Variants in SPATA13 observed in about 807,000 individuals in gnomAD.
The protein encoded by SPATA13 is spermatogenesis associated 13, also known as spermatogenesis-associated protein 13.
In SPATA13, 50 loss-of-function variants were observed where a neutral mutation model predicts 104.0. The ratio of observed to expected loss-of-function variants is 0.48; its 90% CI spans 0.38 to 0.61. The LOEUF is 0.61. SPATA13 is among the 20% of genes least tolerant of loss of function. The pLI is 0.00. For synonymous variants in SPATA13, 606 were observed against 667.5 expected (o/e 0.91, Z 1.42); for missense variants, 1,524 against 1,690.6 (o/e 0.90, Z 1.73).
intron 3 of SPATA13, among the ~76,000 whole-genome samples, chr13:24,022,006 C>T (rs112306621): frequency 0.042 from 6,030 of 142,132 alleles, 380 homozygotes; most frequent in African/African-American, 0.14. Context: ...CCACTGCGCC[C>T]GGCCAGTTGT....
chr13:24,001,106 T>G (rs1875946796), intron 2 of SPATA13, among the ~76,000 whole-genome samples: 1 of 152,194 alleles, frequency 6.6e-6, no homozygotes, highest in Non-Finnish European at 1.5e-5. Context: ...TCTTCCAGGC[T>G]GGCCGAGTGG....
intron 3 of SPATA13, among the ~76,000 whole-genome samples, chr13:24,101,079 C>T (rs1036841459): frequency 2.6e-5 from 4 of 152,082 alleles, no homozygotes; most frequent in African/African-American, 9.7e-5. Context: ...AGGGGAAATT[C>T]GCATACACTT....
At chr13:24,036,733 AT>A (rs1877697896) in intron 3 of SPATA13, among the ~76,000 whole-genome samples, 2 of 152,022 alleles carry the variant, frequency 1.3e-5, no homozygotes, top group Admixed American at 1.3e-4. Flanking sequence ...CTAAACAACA[AT>A]TATCTCTTAC....
At chr13:24,002,071 C>T (rs1205657770) in intron 2 of SPATA13, among the ~76,000 whole-genome samples, 2 of 151,880 alleles carry the variant, frequency 1.3e-5, no homozygotes, top group Admixed American at 6.6e-5. Flanking sequence ...GAGGGAGTGA[C>T]GAGAGGTCAC....
intron 3 of SPATA13, among the ~76,000 whole-genome samples, chr13:24,038,193 A>G (rs4770558): frequency 0.99 from 150,349 of 152,272 alleles, 74,251 homozygotes; most frequent in Middle Eastern, 1. Flanking sequence ...GATTACAGGC[A>G]TGAGCCACCG....
At position 24,297,701 on chromosome 13, in the gene SPATA13, T is replaced by A. The variant is rs1876892884; in HGVS notation, c.3549T>A (p.Asp1183Glu). The A allele has an allele frequency of 6.2e-7, 1 of 1,613,350 alleles. No homozygotes were observed. Among genetic ancestry groups the A allele is most frequent in the South Asian group, 1.1e-5 (1 of 91,082 alleles). Residue 1183 changes from aspartate to glutamate, a missense_variant, in exon 11 of 13, where the codon GAT (aspartate) becomes GAA (glutamate). By Grantham distance (45) the Asp-to-Glu change is conservative. Coordinates refer to ENST00000382108, the MANE Select transcript of SPATA13 (RefSeq NM_001166271.3). ...CGAGGTGGCTGCAGGCCTGTGCAGA[T>A]GAAAGGAGGCGGGTGCAAGAGGACA... The part of the protein sequence containing the change: ...DKARWLQACA[D>E]ERRRVQEDKE...
chr13:24,295,454 T>TA (rs1040749210), intron 10 of SPATA13, among the ~76,000 whole-genome samples: 3 of 151,268 alleles, frequency 2.0e-5, no homozygotes, highest in East Asian at 1.9e-4. Context: ...CTACAAAAAG[T>TA]AAAAAAAATC....
intron 1 of SPATA13, among the ~76,000 whole-genome samples, chr13:24,180,678 A>T (rs1438369475): frequency 6.6e-6 from 1 of 152,128 alleles, no homozygotes; most frequent in African/African-American, 2.4e-5. Context: ...CTTACAGAGT[A>T]TATGTTTTAT....
At chr13:23,991,947 G>A (rs932840145) in intron 2 of SPATA13, among the ~76,000 whole-genome samples, 3 of 152,222 alleles carry the variant, frequency 2.0e-5, no homozygotes, top group Admixed American at 6.5e-5. Context: ...AAGAGGACAC[G>A]GTGATGAAGA....
chr13:24,037,170 A>C (rs1278330766), intron 3 of SPATA13, among the ~76,000 whole-genome samples: 1 of 131,456 alleles, frequency 7.6e-6, no homozygotes, highest in Non-Finnish European at 1.5e-5. Context: ...ACTTGGACAC[A>C]GGAAGGGGAA....
rs1435914060 is a variant in SPATA13 at position 24,161,833 on chromosome 13, A to G, written c.-112+901A>G. Reference sequence around the variant, plus strand: ...GGCTTCCCATAGCCTTATATTATGCACCTCCCCCTGCCAGCATTTTCTCTG... The same window carrying G: ...GGCTTCCCATAGCCTTATATTATGCGCCTCCCCCTGCCAGCATTTTCTCTG... On this transcript the variant is annotated intron_variant, in intron 1 of 12. Coordinates refer to ENST00000382108, the MANE Select transcript of SPATA13 (RefSeq NM_001166271.3). The surrounding 1 kb of genome is among the most constrained non-coding windows in gnomAD (Gnocchi z 4.5). Among the ~76,000 whole-genome samples the G allele has an allele frequency of 6.6e-6, 1 of 151,492 alleles. No individual in the cohort carries two copies. The highest frequency in any genetic ancestry group is 2.4e-5 in the African/African-American group (1 of 41,146).
chr13:24,115,755 A>C (rs1210894577), intron 3 of SPATA13, among the ~76,000 whole-genome samples: 1 of 152,200 alleles, frequency 6.6e-6, no homozygotes, highest in African/African-American at 2.4e-5. Context: ...GGTTGTGATC[A>C]AGGTATCAGC....
chr13:24,012,698 G>A (rs1039913006), intron 2 of SPATA13, among the ~76,000 whole-genome samples: 2 of 152,256 alleles, frequency 1.3e-5, no homozygotes, highest in East Asian at 1.9e-4. Flanking sequence ...CAGGCTGCAA[G>A]CCTGTGATTA....
At chr13:24,251,889 A>G (rs1270133238) in intron 4 of SPATA13, 27 bp downstream of exon 4, 1 of 1,606,282 alleles carries the variant, frequency 6.2e-7, no homozygotes, top group East Asian at 2.2e-5. Context: ...CTTTCCTTTC[A>G]GAGCTGCTAT....
chr13:24,019,384 G>A (rs1299102700), intron 3 of SPATA13, among the ~76,000 whole-genome samples: 4 of 152,082 alleles, frequency 2.6e-5, no homozygotes, highest in Non-Finnish European at 5.9e-5. Flanking sequence ...CACCACACCC[G>A]GCCATGATTC....
chr13:24,073,230 C>T (rs1593312784), intron 3 of SPATA13, among the ~76,000 whole-genome samples: 1 of 152,096 alleles, frequency 6.6e-6, no homozygotes, highest in East Asian at 1.9e-4. Context: ...CTGTACTGTT[C>T]ACCTTGCAAT....
chr13:24,021,410 T>C (rs112302987), intron 3 of SPATA13, among the ~76,000 whole-genome samples: 35 of 152,216 alleles, frequency 2.3e-4, no homozygotes, highest in African/African-American at 8.0e-4. Flanking sequence ...GGAGGATCAC[T>C]TGAGCCCAGG....
At chr13:24,138,939 T>A (rs1186265255) in intron 3 of SPATA13, among the ~76,000 whole-genome samples, 1 of 152,176 alleles carries the variant, frequency 6.6e-6, no homozygotes, top group Non-Finnish European at 1.5e-5. Context: ...TATTCAATTT[T>A]AACATCTTAT....
At chr13:24,049,431 C>T (rs980364834) in intron 3 of SPATA13, among the ~76,000 whole-genome samples, 1 of 152,186 alleles carries the variant, frequency 6.6e-6, no homozygotes, top group Non-Finnish European at 1.5e-5. Flanking sequence ...GTTTGGTGGG[C>T]TACATTATCT....
Sources: allele counts gnomAD v4.1 joint callset (sites outside exome capture counted in the v4.1 genomes callset), GRCh38; gene constraint gnomAD v4.1.1; non-coding constraint Gnocchi (gnomAD v3.1); transcripts MANE v1.5; gene names NCBI Gene and HGNC (gene_info 2026-07-23, HGNC 2026-07-21).